SBF2: variants seen among roughly 807,000 people sequenced by gnomAD.
SBF2 encodes the protein myotubularin-related protein 13.
Under a neutral mutation model 225.2 loss-of-function variants are expected in SBF2, and 112 were observed. The ratio of observed to expected loss-of-function variants is 0.50; its 90% CI spans 0.43 to 0.58. SBF2 has a LOEUF of 0.58. SBF2 is among the 20% of genes least tolerant of loss of function. The probability of loss-of-function intolerance (pLI) is 0.00; values close to 1 mark genes in which losing one functional copy is unlikely to be tolerated. For synonymous variants in SBF2, 763 were observed against 773.3 expected (o/e 0.99, Z 0.22); for missense variants, 1,996 against 2,206.2 (o/e 0.90, Z 1.91).
chr11:9,827,601 C>A (rs1855146434), intron 28 of SBF2, among the ~76,000 whole-genome samples: 1 of 151,950 alleles, frequency 6.6e-6, no homozygotes, highest in Non-Finnish European at 1.5e-5. Context: ...ACATAAACTT[C>A]CAGAGAACAA....
intron 16 of SBF2, among the ~76,000 whole-genome samples, chr11:9,927,819 T>C (rs920246662): frequency 1.3e-5 from 2 of 152,326 alleles, no homozygotes; most frequent in Admixed American, 1.3e-4. Context: ...CTACAGCTAA[T>C]GTCTGCACTT....
intron 2 of SBF2, among the ~76,000 whole-genome samples, chr11:10,146,679 A>G (rs1354128252): frequency 1.3e-5 from 2 of 152,208 alleles, no homozygotes. Context: ...AGTTCATGAC[A>G]AAGATGCCAA....
intron 6 of SBF2, among the ~76,000 whole-genome samples, chr11:10,010,357 T>A (rs1248551171): frequency 6.6e-6 from 1 of 152,252 alleles, no homozygotes; most frequent in East Asian, 1.9e-4. Context: ...CTTCTAGGGT[T>A]TTAATGGTTT....
rs181595923 is a variant in SBF2 at position 9,939,205 on chromosome 11, C to T, written c.1860+22752G>A. Among the ~76,000 whole-genome samples, 31 of 152,272 alleles carry T rather than the reference C, an allele frequency of 2.0e-4. No homozygotes were observed. The South Asian group carries it at 6.2e-3, about 30-fold the overall frequency. On this transcript the variant is annotated intron_variant, in intron 16 of 39. Coordinates refer to ENST00000256190, the MANE Select transcript of SBF2 (RefSeq NM_030962.4). ...CTGCCTCCAAGGTTCAAGCGAGTCTCCTGCCTCAGCCTTCCAAGTAGCTGG... is the reference window on the plus strand; with the variant it reads ...CTGCCTCCAAGGTTCAAGCGAGTCTTCTGCCTCAGCCTTCCAAGTAGCTGG...
intron 2 of SBF2, among the ~76,000 whole-genome samples, chr11:10,127,524 C>T (rs575666982): frequency 2.8e-4 from 43 of 152,230 alleles, no homozygotes; most frequent in African/African-American, 9.6e-4. Context: ...TCTTAACCAT[C>T]TTCTAAGGGT....
Position 9,785,116 on chromosome 11 carries a change from G to A in SBF2, c.5231+9C>T, listed in dbSNP as rs1445119632. On this transcript the variant is annotated intron_variant, in intron 37 of 39. Coordinates refer to ENST00000256190, the MANE Select transcript of SBF2 (RefSeq NM_030962.4). ...TCTTCAGCACAGCGAGCAGGGTTCAGCATGTCACCTGTTTTCATCATTCTT... is the reference window on the plus strand; with the variant it reads ...TCTTCAGCACAGCGAGCAGGGTTCAACATGTCACCTGTTTTCATCATTCTT... 6.2e-7 allele frequency: 1 copy of A among 1,612,000 alleles called. No homozygotes were observed. The highest frequency in any genetic ancestry group is 1.7e-5 in the Admixed American group (1 of 60,036).
At position 10,258,081 on chromosome 11, in the gene SBF2, T is replaced by TACACACACAC. The variant is rs57653852; in HGVS notation, c.55+35924_55+35933dup. 4.6e-3 allele frequency among the ~76,000 whole-genome samples: 637 copies of TACACACACAC among 138,944 alleles called. 7 individuals are homozygous for TACACACACAC. The highest frequency in any genetic ancestry group is 0.015 in the Middle Eastern group (4 of 272). 91.2% of individuals were successfully genotyped at this position (138,944 alleles called of 152,430 possible). ...TCTAAGAGGTATAAATACACACACA[T>TACACACACAC]ACACACACACACACACACACACACA... On this transcript the variant is annotated intron_variant, in intron 1 of 39. Coordinates refer to ENST00000256190, the MANE Select transcript of SBF2 (RefSeq NM_030962.4).
At chr11:10,037,682 C>T (rs67404901) in intron 3 of SBF2, among the ~76,000 whole-genome samples, 39,475 of 148,298 alleles carry the variant, frequency 0.27, 5,278 homozygotes, top group Middle Eastern at 0.32. Flanking sequence ...GTCAAACCAT[C>T]TTTTTCTGTT....
At chr11:10,079,827 C>G (rs1951287933) in intron 2 of SBF2, among the ~76,000 whole-genome samples, 1 of 152,002 alleles carries the variant, frequency 6.6e-6, no homozygotes, top group African/African-American at 2.4e-5. Context: ...AAAAAAAATT[C>G]TAAAATCAGC....
chr11:10,143,783 T>C (rs1035633409), intron 2 of SBF2, among the ~76,000 whole-genome samples: 6 of 152,134 alleles, frequency 3.9e-5, no homozygotes, highest in African/African-American at 1.4e-4. Context: ...AGTAGCGCTA[T>C]CTTGGCTCAC....
chr11:9,872,374 A>T (rs1368439086), intron 17 of SBF2, among the ~76,000 whole-genome samples: 2 of 152,188 alleles, frequency 1.3e-5, no homozygotes, highest in East Asian at 3.8e-4. Context: ...TGGTGGCATG[A>T]TCTGTGCAGC....
chr11:10,075,031 A>AC (rs1210043789), intron 2 of SBF2, among the ~76,000 whole-genome samples: 1 of 152,242 alleles, frequency 6.6e-6, no homozygotes, highest in Non-Finnish European at 1.5e-5. Flanking sequence ...GTCCTAGAGA[A>AC]TGAGAACCCC....
chr11:10,028,594 G>A (rs748394019), intron 5 of SBF2, 37 bp from the exon 6 acceptor site: 28 of 1,253,008 alleles, frequency 2.2e-5, no homozygotes, highest in Non-Finnish European at 3.0e-5. Flanking sequence ...ACACACACAC[G>A]ATTTCAGCCA....
intron 3 of SBF2, among the ~76,000 whole-genome samples, chr11:10,032,274 T>C (rs1266068685): frequency 1.3e-5 from 2 of 152,190 alleles, no homozygotes; most frequent in African/African-American, 4.8e-5. Flanking sequence ...TAATAACCTA[T>C]ATCCCACTGT....
intron 1 of SBF2, among the ~76,000 whole-genome samples, chr11:10,232,199 C>T (rs1488301485): frequency 6.6e-5 from 10 of 152,196 alleles, no homozygotes; most frequent in African/African-American, 2.4e-4. Context: ...TTCCAGGTGC[C>T]GTCTGTCACC....
At chr11:10,290,504 G>A (rs2135584546) in intron 1 of SBF2, among the ~76,000 whole-genome samples, 1 of 152,242 alleles carries the variant, frequency 6.6e-6, no homozygotes, top group South Asian at 2.1e-4. Context: ...CTGTATGGAA[G>A]CATGCTGGTA....
rs555232081 is a variant in SBF2, at chr11:10,286,768, A to G, written c.55+7247T>C. Among the ~76,000 whole-genome samples the G allele has an allele frequency of 2.0e-5, 3 of 152,356 alleles. No individual in the cohort carries two copies. In the East Asian group the frequency reaches 5.8e-4, roughly 29 times the overall value. ...GCAACCAAAAATATTTTTAAGTAATAAATTAAATTTAAAAAGAATAACTGA... is the reference window on the plus strand; with the variant it reads ...GCAACCAAAAATATTTTTAAGTAATGAATTAAATTTAAAAAGAATAACTGA... On this transcript the variant is annotated intron_variant, in intron 1 of 39. Coordinates refer to ENST00000256190, the MANE Select transcript of SBF2 (RefSeq NM_030962.4).
intron 16 of SBF2, among the ~76,000 whole-genome samples, chr11:9,950,148 T>TA (rs35383310): frequency 4.4e-4 from 64 of 146,154 alleles, no homozygotes; most frequent in African/African-American, 8.3e-4. Context: ...AAGCAGGGAT[T>TA]AAAAAAAAAA....
chr11:10,247,470 C>G (rs1959915486), intron 1 of SBF2, among the ~76,000 whole-genome samples: 1 of 148,886 alleles, frequency 6.7e-6, no homozygotes, highest in African/African-American at 2.5e-5. Context: ...CACTTGAGGT[C>G]AGGAGTTCGA....
Sources: allele counts gnomAD v4.1 joint callset (sites outside exome capture counted in the v4.1 genomes callset), GRCh38; gene constraint gnomAD v4.1.1; transcripts MANE v1.5; gene names NCBI Gene and HGNC (gene_info 2026-07-23, HGNC 2026-07-21).